Variants in RARB observed in about 807,000 individuals in gnomAD.
RARB encodes retinoic acid receptor beta.
In RARB, 17 loss-of-function variants were observed where a neutral mutation model predicts 51.9. The observed-to-expected ratio is 0.33, with a 90% CI of 0.22 to 0.49. The LOEUF is 0.49. Among genes scored for constraint, RARB ranks in the 20% least tolerant of loss-of-function variants. The pLI is 0.99. For synonymous variants in RARB, 215 were observed against 195.4 expected (o/e 1.10, Z -0.84); for missense variants, 369 against 550.8 (o/e 0.67, Z 3.30).
At chr3:24,834,190 CG>C (rs1360618730) in intron 1 of RARB, among the ~76,000 whole-genome samples, 2 of 152,160 alleles carry the variant, frequency 1.3e-5, no homozygotes, top group African/African-American at 4.8e-5. Context: ...GTGGATCCCA[CG>C]CTAAAGCGAC....
intron 5 of RARB, among the ~76,000 whole-genome samples, chr3:25,312,183 T>G (rs988657319): frequency 2.6e-5 from 4 of 152,138 alleles, no homozygotes; most frequent in African/African-American, 9.7e-5. Flanking sequence ...AATGTGTTAT[T>G]TTCTATAAAT....
intron 5 of RARB, among the ~76,000 whole-genome samples, chr3:25,343,298 A>G (rs1232587265): frequency 6.6e-6 from 1 of 152,138 alleles, no homozygotes; most frequent in Non-Finnish European, 1.5e-5. Flanking sequence ...CTCTGGTCCC[A>G]GAAGAGTGCC....
intron 2 of RARB, among the ~76,000 whole-genome samples, chr3:24,959,163 A>G (rs569795190): frequency 6.6e-6 from 1 of 152,200 alleles, no homozygotes; most frequent in Admixed American, 6.5e-5. Context: ...CTGCCTTTTC[A>G]TGTGAGGCAG....
At chr3:25,223,377 A>T (rs961188853) in intron 5 of RARB, among the ~76,000 whole-genome samples, 1 of 152,378 alleles carries the variant, frequency 6.6e-6, no homozygotes, top group African/African-American at 2.4e-5. Context: ...GGCTTAATGA[A>T]TATTAAGTGT....
chr3:25,494,164 G>A (rs1696885611), intron 2 of RARB, among the ~76,000 whole-genome samples: 1 of 151,864 alleles, frequency 6.6e-6, no homozygotes, highest in Non-Finnish European at 1.5e-5. Flanking sequence ...CTGCACAGAA[G>A]AGTACAGTGT....
intron 3 of RARB, among the ~76,000 whole-genome samples, chr3:25,556,016 T>C (rs935630963): frequency 2.0e-5 from 3 of 151,756 alleles, no homozygotes; most frequent in African/African-American, 7.3e-5. Context: ...TATTTTTTTT[T>C]TTGACCCCTT....
At chr3:24,987,422 G>A (rs1195977588) in intron 2 of RARB, among the ~76,000 whole-genome samples, 3 of 152,114 alleles carry the variant, frequency 2.0e-5, no homozygotes, top group African/African-American at 4.8e-5. Flanking sequence ...GGTGCAGTGT[G>A]GAAAATGATG....
At chr3:25,338,200 A>C (rs1705122748) in intron 5 of RARB, among the ~76,000 whole-genome samples, 1 of 152,150 alleles carries the variant, frequency 6.6e-6, no homozygotes, top group Admixed American at 6.6e-5. Flanking sequence ...TTGGTCACTT[A>C]GACCATAAAA....
At chr3:25,485,137 C>T (rs1696401095) in intron 2 of RARB, among the ~76,000 whole-genome samples, 1 of 152,104 alleles carries the variant, frequency 6.6e-6, no homozygotes, top group Admixed American at 6.5e-5. Context: ...AAGCTGTGTT[C>T]CTGGAATATT....
intron 5 of RARB, among the ~76,000 whole-genome samples, chr3:25,206,569 C>T (rs1213582468): frequency 1.3e-5 from 2 of 152,132 alleles, no homozygotes; most frequent in Non-Finnish European, 2.9e-5. Flanking sequence ...CCCATCTACC[C>T]ATTTCAGATC....
intron 2 of RARB, among the ~76,000 whole-genome samples, chr3:24,926,721 T>A (rs1251040003): frequency 2.6e-5 from 4 of 151,992 alleles, no homozygotes; most frequent in Non-Finnish European, 4.4e-5. Flanking sequence ...TGGACAGGCA[T>A]ATATAAATAT....
intron 3 of RARB, among the ~76,000 whole-genome samples, chr3:25,552,676 G>A (rs1334559513): frequency 1.6e-4 from 24 of 152,176 alleles, no homozygotes. Context: ...TCTACCTGGA[G>A]GAGATAATAC....
chr3:25,474,485 G>C (rs554446597), intron 2 of RARB, among the ~76,000 whole-genome samples: 11 of 152,126 alleles, frequency 7.2e-5, no homozygotes, highest in African/African-American at 2.4e-4. Context: ...TCAGTTTCCA[G>C]AGTCATCCTG....
intron 2 of RARB, among the ~76,000 whole-genome samples, chr3:24,876,917 T>C (rs1457348630): frequency 2.0e-5 from 3 of 152,188 alleles, no homozygotes; most frequent in Admixed American, 2.0e-4. Context: ...AGATTTATCA[T>C]AAAATACTAA....
intron 2 of RARB, among the ~76,000 whole-genome samples, chr3:24,987,823 C>G (rs567395751): frequency 3.2e-4 from 49 of 152,308 alleles, no homozygotes; most frequent in African/African-American, 1.1e-3. Context: ...AAAACAGACA[C>G]AAAGGTCTCA....
intron 4 of RARB, among the ~76,000 whole-genome samples, chr3:25,171,188 T>G (rs1393075283): frequency 2.0e-5 from 3 of 152,010 alleles, no homozygotes; most frequent in African/African-American, 7.2e-5. Context: ...AGTCCCTACT[T>G]CCTTCCTGTC....
chr3:25,497,791 T>G (rs902062005), intron 2 of RARB, among the ~76,000 whole-genome samples: 1 of 152,192 alleles, frequency 6.6e-6, no homozygotes, highest in Non-Finnish European at 1.5e-5. Context: ...CTTTTGAACC[T>G]CCTCTTCTCC....
At chr3:25,557,897 T>C (rs1439272160) in intron 3 of RARB, among the ~76,000 whole-genome samples, 1 of 152,186 alleles carries the variant, frequency 6.6e-6, no homozygotes, top group African/African-American at 2.4e-5. Context: ...GTTGCTTCTC[T>C]CTAGGTCTGC....
At chr3:25,020,343 A>G (rs1353492139) in intron 2 of RARB, 1 of 151,784 alleles carries the variant, frequency 6.6e-6, no homozygotes, top group Non-Finnish European at 1.5e-5. Context: ...ACTGATACCA[A>G]ACTTAGTGTA....
Sources: gnomAD v4.1 joint callset for allele counts (sites outside exome capture counted in the v4.1 genomes callset) on GRCh38, gnomAD v4.1.1 for gene constraint, MANE v1.5 for transcripts, NCBI Gene and HGNC (gene_info 2026-07-23, HGNC 2026-07-21) for gene names.